Variants in GABRB2 observed in about 807,000 individuals in gnomAD.
The protein encoded by GABRB2 is gamma-aminobutyric acid type A receptor subunit beta2.
GABRB2 carries 16 observed loss-of-function variants against 54.7 expected under a neutral mutation model. The ratio of observed to expected loss-of-function variants is 0.29; its 90% CI spans 0.20 to 0.44. GABRB2 has a LOEUF of 0.44. Ranked by LOEUF, GABRB2 falls within the 20% of genes least tolerant of loss-of-function variation. The pLI, the probability that GABRB2 is intolerant of heterozygous loss-of-function variation, is 1.00. For synonymous variants in GABRB2, 244 were observed against 233.8 expected (o/e 1.04, Z -0.40); for missense variants, 355 against 644.0 (o/e 0.55, Z 4.86).
chr5:161,522,269 G>T (rs933816726), intron 3 of GABRB2, among the ~76,000 whole-genome samples: 9 of 151,676 alleles, frequency 5.9e-5, no homozygotes, highest in African/African-American at 1.7e-4. Flanking sequence ...ATCCAGTTTT[G>T]CATTTAGCTT....
At chr5:161,340,602 T>C (rs1354981611) in intron 5 of GABRB2, among the ~76,000 whole-genome samples, 1 of 151,930 alleles carries the variant, frequency 6.6e-6, no homozygotes, top group Non-Finnish European at 1.5e-5. Flanking sequence ...CATCTCTTTG[T>C]CTTTTGTTTC....
intron 4 of GABRB2, among the ~76,000 whole-genome samples, chr5:161,438,012 C>A (rs1757359332): frequency 6.6e-6 from 1 of 152,194 alleles, no homozygotes; most frequent in Admixed American, 6.5e-5. Flanking sequence ...GCTGGCTTTG[C>A]CACTTGCTGA....
chr5:161,340,487 T>C (rs1419962213), intron 5 of GABRB2, among the ~76,000 whole-genome samples: 2 of 152,024 alleles, frequency 1.3e-5, no homozygotes, highest in African/African-American at 4.8e-5. Context: ...ATAAACATTT[T>C]CTGAGTGAGT....
intron 9 of GABRB2, among the ~76,000 whole-genome samples, chr5:161,296,185 G>T (rs1757376076): frequency 6.6e-6 from 1 of 152,168 alleles, no homozygotes; most frequent in Admixed American, 6.5e-5. Context: ...TGGGAGTGGG[G>T]AGTCCTTTCC....
At chr5:161,481,006 G>C (rs932824797) in intron 3 of GABRB2, among the ~76,000 whole-genome samples, 1 of 151,882 alleles carries the variant, frequency 6.6e-6, no homozygotes, top group Non-Finnish European at 1.5e-5. Flanking sequence ...TACCACAGAC[G>C]AAAAACTCAT....
At chr5:161,461,385 C>A (rs1758114273) in intron 3 of GABRB2, among the ~76,000 whole-genome samples, 1 of 152,038 alleles carries the variant, frequency 6.6e-6, no homozygotes, top group South Asian at 2.1e-4. Context: ...CTCTTGGGGT[C>A]CCAATTCTAC....
intron 7 of GABRB2, among the ~76,000 whole-genome samples, chr5:161,331,490 T>TA (rs1280722728): frequency 6.6e-6 from 1 of 152,084 alleles, no homozygotes; most frequent in Non-Finnish European, 1.5e-5. Flanking sequence ...GGTTAGGAAA[T>TA]AGAGACTTTT....
intron 3 of GABRB2, among the ~76,000 whole-genome samples, chr5:161,498,015 T>A (rs1193543096): frequency 6.6e-6 from 1 of 152,160 alleles, no homozygotes; most frequent in Non-Finnish European, 1.5e-5. Flanking sequence ...TCTGAAATAC[T>A]CAACATTAAG....
In GABRB2 at chr5:161,368,106, C is replaced by T. The variant is rs1261671309; in HGVS notation, c.542-31337G>A. ...ATCCTATTTAATTTATAATCCAATT[C>T]TCCCTCTCTGACACACACACACACA... On this transcript the variant is annotated intron_variant, in intron 5 of 9. Coordinates refer to ENST00000393959, the MANE Select transcript of GABRB2 (RefSeq NM_001371727.1). Among the ~76,000 whole-genome samples, 4 of 117,412 alleles carry T rather than the reference C, an allele frequency of 3.4e-5. No homozygotes were observed. In the East Asian group the frequency reaches 1.1e-3, roughly 32 times the overall value. 77.0% of individuals were successfully genotyped at this position (117,412 alleles called of 152,430 possible).
intron 5 of GABRB2, among the ~76,000 whole-genome samples, chr5:161,381,736 C>T (rs1019326942): frequency 6.6e-5 from 10 of 152,096 alleles, no homozygotes; most frequent in Non-Finnish European, 1.2e-4. Context: ...GAAGAGGTTA[C>T]GAGCATGAGC....
At chr5:161,343,281 G>T (rs969219804) in intron 5 of GABRB2, among the ~76,000 whole-genome samples, 2 of 151,872 alleles carry the variant, frequency 1.3e-5, no homozygotes, top group Non-Finnish European at 2.9e-5. Flanking sequence ...ACCTAGGGTA[G>T]GTCAGGCTTG....
At chr5:161,434,808 T>G (rs929697411) in intron 4 of GABRB2, among the ~76,000 whole-genome samples, 2 of 152,218 alleles carry the variant, frequency 1.3e-5, no homozygotes, top group African/African-American at 4.8e-5. Context: ...TAAGCTATTA[T>G]AACTATTTTA....
intron 3 of GABRB2, among the ~76,000 whole-genome samples, chr5:161,469,594 G>T (rs1045134074): frequency 5.3e-5 from 8 of 151,830 alleles, no homozygotes; most frequent in South Asian, 4.1e-4. Context: ...ACCTCACCAG[G>T]AAATGTTATT....
intron 9 of GABRB2, among the ~76,000 whole-genome samples, chr5:161,307,006 C>A (rs1338486049): frequency 6.6e-6 from 1 of 152,082 alleles, no homozygotes; most frequent in Non-Finnish European, 1.5e-5. Flanking sequence ...CATTTATAAG[C>A]TAAAGTCAAA....
chr5:161,539,699 A>T (rs1204205459), intron 3 of GABRB2, among the ~76,000 whole-genome samples: 1 of 152,142 alleles, frequency 6.6e-6, no homozygotes, highest in East Asian at 1.9e-4. Context: ...CGACCAATAA[A>T]CTTACATGAA....
At chr5:161,521,204 T>C (rs1760102392) in intron 3 of GABRB2, among the ~76,000 whole-genome samples, 1 of 151,914 alleles carries the variant, frequency 6.6e-6, no homozygotes. Flanking sequence ...TATTGGCTCT[T>C]TGAAGGAATA....
At chr5:161,408,917 T>G (rs2113107593) in intron 5 of GABRB2, among the ~76,000 whole-genome samples, 1 of 152,176 alleles carries the variant, frequency 6.6e-6, no homozygotes, top group Non-Finnish European at 1.5e-5. Context: ...ACCAGTAGTT[T>G]AAGGAATGGG....
At chr5:161,317,778 CA>C (rs540025367) in intron 9 of GABRB2, among the ~76,000 whole-genome samples, 1 of 151,308 alleles carries the variant, frequency 6.6e-6, no homozygotes. Flanking sequence ...AAACTGAAAA[CA>C]AAAAAAGCCC....
intron 5 of GABRB2, among the ~76,000 whole-genome samples, chr5:161,360,522 C>T (rs1203539238): frequency 6.6e-6 from 1 of 152,164 alleles, no homozygotes; most frequent in Non-Finnish European, 1.5e-5. Flanking sequence ...GATGATACTA[C>T]AGAACCAATT....
Sources: allele counts gnomAD v4.1 joint callset (sites outside exome capture counted in the v4.1 genomes callset), GRCh38; gene constraint gnomAD v4.1.1; transcripts MANE v1.5; gene names NCBI Gene and HGNC (gene_info 2026-07-23, HGNC 2026-07-21).